DCUN1D2: variants seen among roughly 807,000 people sequenced by gnomAD.
The protein encoded by DCUN1D2 is defective in cullin neddylation 1 domain containing 2.
Under a neutral mutation model 30.9 loss-of-function variants are expected in DCUN1D2, and 29 were observed. That is an observed-to-expected ratio of 0.94 (90% CI 0.70 to 1.28). The LOEUF is 1.28. Among genes scored for constraint, DCUN1D2 ranks in the 50% most tolerant of loss-of-function variants. The pLI is 0.00. For synonymous variants in DCUN1D2, 121 were observed against 115.3 expected (o/e 1.05, Z -0.32); for missense variants, 325 against 316.9 (o/e 1.03, Z -0.19).
chr13:113,468,630 C>T (rs535772160), intron 4 of DCUN1D2, among the ~76,000 whole-genome samples: 30 of 152,120 alleles, frequency 2.0e-4, no homozygotes, highest in Middle Eastern at 3.4e-3. Flanking sequence ...TTCAGACAAG[C>T]GGCCTATGAG....
intron 1 of DCUN1D2, chr13:113,484,341 A>C: frequency 1.9e-6 from 1 of 518,932 alleles, no homozygotes; most frequent in Non-Finnish European, 3.1e-6. Flanking sequence ...TTTTTCTCTA[A>C]AACTCTCAGT....
intron 4 of DCUN1D2, among the ~76,000 whole-genome samples, chr13:113,463,536 AAAAAAC>A (rs1039532639): frequency 7.2e-5 from 11 of 152,108 alleles, no homozygotes; most frequent in African/African-American, 1.9e-4. Flanking sequence ...CTTTAAAAAA[AAAAAAC>A]AAAAACAAAA....
intron 4 of DCUN1D2, chr13:113,463,042 T>G: frequency 4.5e-6 from 1 of 220,856 alleles, no homozygotes; most frequent in Non-Finnish European, 8.4e-6. Context: ...TTTTCAATAT[T>G]TATTATTATT....
chr13:113,487,726 GGTACA>G (rs2044833144), intron 1 of DCUN1D2, among the ~76,000 whole-genome samples: 1 of 152,188 alleles, frequency 6.6e-6, no homozygotes, highest in Non-Finnish European at 1.5e-5. Context: ...ACTGCTAATG[GGTACA>G]GTTATCGTTC....
chr13:113,490,721 G>C (rs1208185806), upstream of DCUN1D2: 10 of 1,187,254 alleles, frequency 8.4e-6, no homozygotes, highest in Non-Finnish European at 1.0e-5. This position sits in a 1 kb window ranked among gnomAD's most constrained non-coding sequence, Gnocchi z 5.2. Flanking sequence ...CGCAGGCGCG[G>C]CGGCGGCTCC....
intron 2 of DCUN1D2, among the ~76,000 whole-genome samples, chr13:113,483,360 G>A (rs2044742866): frequency 6.6e-6 from 1 of 152,154 alleles, no homozygotes; most frequent in Non-Finnish European, 1.5e-5. Context: ...TTTCAGGGCT[G>A]ACACGCCACT....
At position 113,490,452 on chromosome 13, in the gene DCUN1D2, C is replaced by T; in HGVS notation, c.3+215G>A. The T allele has an allele frequency of 2.3e-6, 1 of 432,572 alleles. No homozygotes were observed. The highest frequency in any genetic ancestry group is 2.1e-5 in the African/African-American group (1 of 46,834). 26.8% of individuals were successfully genotyped at this position (432,572 alleles called of 1,614,324 possible). ...GCTCACTCCCGGTCGTCCCTCGCGG[C>T]TCCGGGTCAAACCCGCGCTCCCCGC... On this transcript the variant is annotated intron_variant, in intron 1 of 6. Coordinates refer to ENST00000478244, the MANE Select transcript of DCUN1D2 (RefSeq NM_001014283.2). This position sits in a 1 kb window ranked among gnomAD's most constrained non-coding sequence, Gnocchi z 5.2.
chr13:113,459,551 C>T (rs377077557), intron 5 of DCUN1D2, 143 bp from the exon 6 acceptor site: 32 of 527,882 alleles, frequency 6.1e-5, no homozygotes, highest in African/African-American at 5.3e-4. Context: ...AAAGTAATAG[C>T]GTTCTGTATA....
intron 4 of DCUN1D2, among the ~76,000 whole-genome samples, chr13:113,469,665 A>C (rs2139697885): frequency 6.6e-6 from 1 of 151,996 alleles, no homozygotes; most frequent in South Asian, 2.1e-4. Context: ...CAACGGAGGG[A>C]GACCTCAACT....
Position 113,474,147 on chromosome 13 carries a change from T to C in DCUN1D2, c.497A>G (p.Lys166Arg). 1.2e-6 allele frequency: 2 copies of C among 1,614,156 alleles called. No homozygotes were observed. Among genetic ancestry groups the C allele is most frequent in the Non-Finnish European group, 1.7e-6 (2 of 1,179,970 alleles). The change falls in exon 4 of 7, where the codon AAG becomes AGG. Residue 166 changes from lysine (K) to arginine (R), a missense_variant. Transcript: ENST00000478244. Reference sequence around the variant, plus strand: ...ACCTAAACCTTTCTGCCCTGGGTTCTTAGCGAAGGTGAAGGTAAACTGATA... The same window carrying C: ...ACCTAAACCTTTCTGCCCTGGGTTCCTAGCGAAGGTGAAGGTAAACTGATA... ...DFYQFTFTFA[K>R]NPGQKGLDLE...
At chr13:113,461,877 T>C (rs1183728329) in intron 4 of DCUN1D2, among the ~76,000 whole-genome samples, 1 of 152,254 alleles carries the variant, frequency 6.6e-6, no homozygotes, top group East Asian at 1.9e-4. Flanking sequence ...TGATTTATTC[T>C]CTGCTCACCA....
intron 6 of DCUN1D2, among the ~76,000 whole-genome samples, chr13:113,458,982 G>A (rs1190139144): frequency 1.3e-5 from 2 of 152,218 alleles, no homozygotes; most frequent in African/African-American, 4.8e-5. Flanking sequence ...CCTGAAGAGT[G>A]CAGTGTGGAA....
intron 5 of DCUN1D2, among the ~76,000 whole-genome samples, chr13:113,459,831 C>T (rs556026123): frequency 6.6e-6 from 1 of 152,272 alleles, no homozygotes; most frequent in South Asian, 2.1e-4. Context: ...ATGTCTGAAA[C>T]GTATGCGGGC....
intron 2 of DCUN1D2, among the ~76,000 whole-genome samples, chr13:113,483,565 G>A (rs929473009): frequency 6.6e-6 from 1 of 152,186 alleles, no homozygotes; most frequent in African/African-American, 2.4e-5. Flanking sequence ...GCTGTGCAGC[G>A]TCAGACTCAC....
chr13:113,466,818 T>A (rs1179136634), intron 4 of DCUN1D2, among the ~76,000 whole-genome samples: 2 of 148,562 alleles, frequency 1.3e-5, no homozygotes, highest in African/African-American at 5.0e-5. Context: ...TTTTTTTTTT[T>A]TTTTTTTTGA....
In DCUN1D2 at chr13:113,456,227, C is replaced by A. The variant is rs781244797; in HGVS notation, c.*1802G>T. ...TCTGGAAGCAGAGCCTGGGGAAGGT[C>A]TGTCACTTGCCCATCACTGGACCAG... On this transcript the variant is annotated 3_prime_UTR_variant, in exon 7 of 7. Transcript: ENST00000478244. 1.0e-5 allele frequency: 4 copies of A among 398,594 alleles called. No homozygotes were observed. Among genetic ancestry groups the A allele is most frequent in the African/African-American group, 2.1e-5 (1 of 48,650 alleles). The allele number at this position is 398,594 out of a possible 1,614,324, so 24.7% of individuals were successfully genotyped here.
At chr13:113,470,734 G>GAAT (rs2044491056) in intron 4 of DCUN1D2, among the ~76,000 whole-genome samples, 1 of 148,168 alleles carries the variant, frequency 6.7e-6, no homozygotes, top group Non-Finnish European at 1.5e-5. Flanking sequence ...CTCCACAAGG[G>GAAT]ACCCAACTCC....
intron 4 of DCUN1D2, among the ~76,000 whole-genome samples, chr13:113,469,654 G>A (rs2044469489): frequency 6.6e-6 from 1 of 151,922 alleles, no homozygotes; most frequent in African/African-American, 2.4e-5. Context: ...TTAAACCTGG[G>A]CAACGGAGGG....
intron 5 of DCUN1D2, among the ~76,000 whole-genome samples, chr13:113,460,225 C>T (rs1350870676): frequency 6.6e-6 from 1 of 152,252 alleles, no homozygotes; most frequent in Non-Finnish European, 1.5e-5. Flanking sequence ...CTCCACCTGC[C>T]ACACTCTCTG....
Sources: gnomAD v4.1 joint callset for allele counts (sites outside exome capture counted in the v4.1 genomes callset) on GRCh38, gnomAD v4.1.1 for gene constraint, Gnocchi (gnomAD v3.1) non-coding constraint, MANE v1.5 for transcripts, NCBI Gene and HGNC (gene_info 2026-07-23, HGNC 2026-07-21) for gene names.